The following GRM7 variants were observed in gnomAD, a reference collection of about 807,000 sequenced individuals.
GRM7 encodes the protein metabotropic glutamate receptor 7.
In GRM7, 35 loss-of-function variants were observed where a neutral mutation model predicts 84.5. That is an observed-to-expected ratio of 0.41 (90% CI 0.32 to 0.55). GRM7 has a LOEUF of 0.55. Ranked by LOEUF, GRM7 falls within the 20% of genes least tolerant of loss-of-function variation. GRM7 has a pLI of 0.19. For missense variants in GRM7, 1,003 were observed against 1,194.6 expected, an observed-to-expected ratio of 0.84 and a Z score of 2.36; for synonymous variants, 487 against 455.1, an observed-to-expected ratio of 1.07 and a Z score of -0.89.
intron 3 of GRM7, among the ~76,000 whole-genome samples, chr3:7,305,231 T>C (rs1332794858): frequency 6.6e-6 from 1 of 152,116 alleles, no homozygotes; most frequent in Admixed American, 6.6e-5. Context: ...ACACCTCTTA[T>C]CTACCTTTTA....
In GRM7 at chr3:7,102,566, C is replaced by T. The variant is rs1699148147; in HGVS notation, c.520-43886C>T. Among the ~76,000 whole-genome samples, 3 of 151,676 alleles carry T rather than the reference C, an allele frequency of 2.0e-5. No individual in the cohort carries two copies. In the Admixed American group the frequency reaches 2.0e-4, roughly 10 times the overall value. On this transcript the variant is annotated intron_variant, in intron 1 of 9. Coordinates refer to ENST00000357716, the MANE Select transcript of GRM7 (RefSeq NM_000844.4). ...TTTATCCTGCTTAGAGTTTGTTGAG[C>T]TCCCTGGATGTACAAGTCGAGGTAT... is the stretch of plus-strand genomic sequence containing the variant.
At chr3:7,605,931 T>C (rs574525819) in intron 8 of GRM7, among the ~76,000 whole-genome samples, 45 of 152,148 alleles carry the variant, frequency 3.0e-4, no homozygotes, top group Admixed American at 8.5e-4. Flanking sequence ...CGTGTTCCAA[T>C]AACACTTTAT....
At chr3:7,007,559 A>G (rs1353914415) in intron 1 of GRM7, among the ~76,000 whole-genome samples, 1 of 152,208 alleles carries the variant, frequency 6.6e-6, no homozygotes, top group South Asian at 2.1e-4. Context: ...CTCCATTCCC[A>G]GACACCGCAC....
intron 1 of GRM7, among the ~76,000 whole-genome samples, chr3:6,879,146 C>G (rs1213105342): frequency 6.6e-6 from 1 of 151,912 alleles, no homozygotes; most frequent in East Asian, 1.9e-4. Context: ...CAATAAGATA[C>G]GTAAGTCCTA....
At chr3:7,731,866 G>T (rs922542194) in intron 9 of GRM7, among the ~76,000 whole-genome samples, 19 of 152,052 alleles carry the variant, frequency 1.2e-4, no homozygotes, top group African/African-American at 4.6e-4. Context: ...TCCTCAGGAA[G>T]ACAGCTTTGG....
intron 7 of GRM7, among the ~76,000 whole-genome samples, chr3:7,491,115 C>G (rs1444773172): frequency 3.3e-5 from 5 of 151,854 alleles, no homozygotes; most frequent in African/African-American, 1.2e-4. Context: ...CTACTTATCA[C>G]TAAGTTTCAT....
At chr3:7,264,872 C>G (rs1264881337) in intron 2 of GRM7, among the ~76,000 whole-genome samples, 3 of 68 alleles carry the variant, frequency 0.044, no homozygotes, top group African/African-American at 0.15. Flanking sequence ...ATCTTTAAAG[C>G]AGATGCATTA....
chr3:6,965,864 A>G (rs1693495802), intron 1 of GRM7, among the ~76,000 whole-genome samples: 1 of 152,160 alleles, frequency 6.6e-6, no homozygotes, highest in Non-Finnish European at 1.5e-5. Context: ...GATTACAGAT[A>G]GGCAGGAGTA....
intron 1 of GRM7, among the ~76,000 whole-genome samples, chr3:7,115,251 A>G (rs929594873): frequency 1.8e-4 from 27 of 152,274 alleles, no homozygotes; most frequent in Non-Finnish European, 3.4e-4. Flanking sequence ...CTTTAGGACA[A>G]TGTTGGTTCT....
At chr3:6,973,715 G>C (rs375474354) in intron 1 of GRM7, among the ~76,000 whole-genome samples, 7 of 152,290 alleles carry the variant, frequency 4.6e-5, no homozygotes, top group East Asian at 1.9e-4. Flanking sequence ...AAGGCCCTGA[G>C]TATGAATGTG....
At chr3:7,456,340 G>C (rs1657949433) in intron 6 of GRM7, among the ~76,000 whole-genome samples, 1 of 151,926 alleles carries the variant, frequency 6.6e-6, no homozygotes, top group Admixed American at 6.6e-5. Context: ...TATCCATAGG[G>C]CTTATGTTTA....
intron 9 of GRM7, among the ~76,000 whole-genome samples, chr3:7,739,783 A>T (rs1702627623): frequency 1.3e-5 from 2 of 152,228 alleles, no homozygotes; most frequent in Non-Finnish European, 2.9e-5. Flanking sequence ...TATGTGTCAG[A>T]CACCTGACAG....
At position 7,040,395 on chromosome 3, in the gene GRM7, T is replaced by C. The variant is rs766294927; in HGVS notation, c.520-106057T>C. The stretch of plus-strand genomic sequence containing the variant: ...TCCACTCACTGTAACCCCTGCCTCC[T>C]GGGTTAAAGCGATTCTCCTGCCTTA... On this transcript the variant is annotated intron_variant, in intron 1 of 9. Transcript: ENST00000357716. Among the ~76,000 whole-genome samples the C allele has an allele frequency of 3.3e-5, 5 of 152,002 alleles. No homozygotes were observed. In the East Asian group the frequency reaches 9.7e-4, roughly 30 times the overall value.
chr3:7,611,419 AGTGCTTCCTCCAAGATACCT>A, intron 8 of GRM7, among the ~76,000 whole-genome samples: 1 of 152,162 alleles, frequency 6.6e-6, no homozygotes, highest in Non-Finnish European at 1.5e-5. Flanking sequence ...CTTTGTATCA[AGTGCTTCCTCCAAGATACCT>A]GTCATCCCTC....
chr3:7,140,970 A>G (rs560914132), intron 1 of GRM7, among the ~76,000 whole-genome samples: 1 of 152,184 alleles, frequency 6.6e-6, no homozygotes, highest in South Asian at 2.1e-4. Context: ...GTTCTAGCTA[A>G]GACTTTATAT....
chr3:6,969,000 A>G (rs1447378510), intron 1 of GRM7, among the ~76,000 whole-genome samples: 3 of 152,118 alleles, frequency 2.0e-5, no homozygotes, highest in Non-Finnish European at 4.4e-5. Context: ...ACTCACTCCA[A>G]TTTCAATGAT....
chr3:7,546,267 A>G (rs1693144677), intron 7 of GRM7, among the ~76,000 whole-genome samples: 3 of 152,216 alleles, frequency 2.0e-5, no homozygotes, highest in African/African-American at 7.2e-5. Flanking sequence ...TTCTATGCCT[A>G]ACATTTTGCT....
chr3:7,683,977 CAAAT>C (rs1181312075), intron 9 of GRM7, among the ~76,000 whole-genome samples: 251 of 152,040 alleles, frequency 1.7e-3, no homozygotes, highest in African/African-American at 5.3e-3. Flanking sequence ...GACAAACATA[CAAAT>C]AGTCATTTAA....
At chr3:6,890,573 T>G (rs1695893214) in intron 1 of GRM7, among the ~76,000 whole-genome samples, 1 of 152,226 alleles carries the variant, frequency 6.6e-6, no homozygotes, top group Non-Finnish European at 1.5e-5. Flanking sequence ...GAGTTCTAGT[T>G]TGATTGCACT....
Sources: allele counts gnomAD v4.1 joint callset (sites outside exome capture counted in the v4.1 genomes callset), GRCh38; gene constraint gnomAD v4.1.1; transcripts MANE v1.5; gene names NCBI Gene and HGNC (gene_info 2026-07-23, HGNC 2026-07-21).